DOK6: variants seen among roughly 807,000 people sequenced by gnomAD.
The protein encoded by DOK6 is downstream of tyrosine kinase 6.
A neutral mutation model predicts 44.0 loss-of-function variants in DOK6; 22 were observed. The observed-to-expected ratio is 0.50, with a 90% CI of 0.36 to 0.71. DOK6 has a LOEUF of 0.71. Among genes scored for constraint, DOK6 ranks in the 30% least tolerant of loss-of-function variants. DOK6 has a pLI of 0.00. For missense variants in DOK6, 340 were observed against 416.4 expected (o/e 0.82, Z 1.60); for synonymous variants, 166 against 145.5 (o/e 1.14, Z -1.01).
At chr18:69,459,366 T>C (rs1979726625) in intron 1 of DOK6, among the ~76,000 whole-genome samples, 1 of 152,150 alleles carries the variant, frequency 6.6e-6, no homozygotes. Context: ...ATTTAAAATC[T>C]ATTCTCCAAG....
chr18:69,676,427 G>A (rs1291839402), intron 3 of DOK6, among the ~76,000 whole-genome samples: 34 of 152,108 alleles, frequency 2.2e-4, no homozygotes, highest in Non-Finnish European at 2.9e-5. Context: ...GACCATCAAG[G>A]AGAGCCCAGT....
intron 1 of DOK6, among the ~76,000 whole-genome samples, chr18:69,455,966 A>G (rs1006096518): frequency 1.3e-5 from 2 of 152,192 alleles, no homozygotes; most frequent in African/African-American, 4.8e-5. Context: ...TAGTGTATCC[A>G]AATTAAAAAT....
intron 2 of DOK6, among the ~76,000 whole-genome samples, chr18:69,568,216 C>A (rs940522026): frequency 6.6e-6 from 1 of 152,186 alleles, no homozygotes; most frequent in African/African-American, 2.4e-5. Flanking sequence ...GTCAGCAGGG[C>A]AGTTAGACCT....
intron 3 of DOK6, among the ~76,000 whole-genome samples, chr18:69,657,760 T>C (rs999208393): frequency 3.3e-5 from 5 of 152,144 alleles, no homozygotes; most frequent in African/African-American, 9.7e-5. Context: ...TTCGTGAACT[T>C]GATAGGAGAT....
chr18:69,796,632 T>C (rs1294582645), intron 7 of DOK6, among the ~76,000 whole-genome samples: 1 of 152,174 alleles, frequency 6.6e-6, no homozygotes, highest in Non-Finnish European at 1.5e-5. Flanking sequence ...TATGGAAAGA[T>C]TAAAGTCACT....
chr18:69,672,213 AC>A (rs1985813304), intron 3 of DOK6, among the ~76,000 whole-genome samples: 2 of 152,054 alleles, frequency 1.3e-5, no homozygotes, highest in African/African-American at 2.4e-5. Flanking sequence ...TACTTAGAAA[AC>A]TAATCGTACC....
chr18:69,811,192 T>C (rs1430334052), intron 7 of DOK6, among the ~76,000 whole-genome samples: 2 of 151,914 alleles, frequency 1.3e-5, no homozygotes, highest in Non-Finnish European at 2.9e-5. Context: ...TTAAGTGAAA[T>C]AAGCCAGACA....
At chr18:69,639,382 CA>C (rs1189493494) in intron 3 of DOK6, among the ~76,000 whole-genome samples, 1 of 152,144 alleles carries the variant, frequency 6.6e-6, no homozygotes, top group African/African-American at 2.4e-5. Flanking sequence ...TTGATAAGGC[CA>C]TGGAGGGATT....
intron 7 of DOK6, among the ~76,000 whole-genome samples, chr18:69,815,627 A>G (rs943416285): frequency 6.6e-6 from 1 of 152,076 alleles, no homozygotes; most frequent in African/African-American, 2.4e-5. Context: ...TATGATAACC[A>G]CCTAATTCTT....
chr18:69,626,342 C>T (rs1172220650), intron 3 of DOK6, among the ~76,000 whole-genome samples: 1 of 152,174 alleles, frequency 6.6e-6, no homozygotes, highest in Non-Finnish European at 1.5e-5. Flanking sequence ...TTCAAACCGC[C>T]TCTCGGTCCA....
intron 1 of DOK6, among the ~76,000 whole-genome samples, chr18:69,488,746 G>A (rs60498317): frequency 0.34 from 51,376 of 151,896 alleles, 8,940 homozygotes; most frequent in East Asian, 0.57. Context: ...ACCTCCTACC[G>A]GGTCCCTCCC....
chr18:69,755,810 C>G (rs974104739), intron 6 of DOK6, among the ~76,000 whole-genome samples: 1 of 152,198 alleles, frequency 6.6e-6, no homozygotes, highest in African/African-American at 2.4e-5. Context: ...AGGTTCTTGT[C>G]TCACAACCAG....
At chr18:69,554,322 G>T (rs1044504105) in intron 1 of DOK6, among the ~76,000 whole-genome samples, 1 of 152,184 alleles carries the variant, frequency 6.6e-6, no homozygotes, top group African/African-American at 2.4e-5. Context: ...TGCTGATTAC[G>T]ATGGAAGCCA....
At position 69,402,124 on chromosome 18, in the gene DOK6, A is replaced by G. The variant is rs113574440; in HGVS notation, c.66+814A>G. On this transcript the variant is annotated intron_variant, in intron 1 of 7. Coordinates refer to ENST00000382713, the MANE Select transcript of DOK6 (RefSeq NM_152721.6). ...GCAGCCTAGACTTGGGACGCGAGAG[A>G]GAGGATGGAGGGATGGGCAGGAGGT... Among the ~76,000 whole-genome samples, 1,167 of 152,108 alleles carry G rather than the reference A, an allele frequency of 7.7e-3. 16 individuals carry two copies. Among genetic ancestry groups the G allele is most frequent in the African/African-American group, 0.026 (1,088 of 41,494 alleles).
chr18:69,676,620 G>A (rs1488558055), intron 3 of DOK6, among the ~76,000 whole-genome samples: 4 of 152,098 alleles, frequency 2.6e-5, no homozygotes, highest in Admixed American at 2.6e-4. Flanking sequence ...AAACTTCTCT[G>A]GGCAGACGTC....
intron 3 of DOK6, among the ~76,000 whole-genome samples, chr18:69,617,390 A>T (rs1290557488): frequency 6.6e-6 from 1 of 151,492 alleles, no homozygotes; most frequent in Non-Finnish European, 1.5e-5. Flanking sequence ...AAAAAGAGAG[A>T]GAGAGAAAAG....
At chr18:69,467,028 T>A (rs1355799329) in intron 1 of DOK6, among the ~76,000 whole-genome samples, 1 of 152,136 alleles carries the variant, frequency 6.6e-6, no homozygotes, top group African/African-American at 2.4e-5. Flanking sequence ...AATAAATAAG[T>A]AGCAACGTCA....
At chr18:69,553,011 TG>T (rs916934727) in intron 1 of DOK6, among the ~76,000 whole-genome samples, 2 of 152,272 alleles carry the variant, frequency 1.3e-5, no homozygotes, top group African/African-American at 4.8e-5. Flanking sequence ...ATTGGCTTTT[TG>T]GTATTATTTG....
At chr18:69,581,060 T>G (rs555438882) in intron 2 of DOK6, among the ~76,000 whole-genome samples, 2 of 152,348 alleles carry the variant, frequency 1.3e-5, no homozygotes, top group East Asian at 3.9e-4. Flanking sequence ...TGAATAGTAT[T>G]CCATCGTGTA....
Sources: gnomAD v4.1 joint callset for allele counts (sites outside exome capture counted in the v4.1 genomes callset) on GRCh38, gnomAD v4.1.1 for gene constraint, MANE v1.5 for transcripts, NCBI Gene and HGNC (gene_info 2026-07-23, HGNC 2026-07-21) for gene names.